The following THOC1 variants were observed in gnomAD, a reference collection of about 807,000 sequenced individuals.
THOC1 encodes the protein THO complex subunit 1.
In THOC1, 29 loss-of-function variants were observed where a neutral mutation model predicts 97.3. That is an observed-to-expected ratio of 0.30 (90% CI 0.22 to 0.41). The LOEUF (loss-of-function observed/expected upper bound fraction) is 0.41. Among genes scored for constraint, THOC1 ranks in the 10% least tolerant of loss-of-function variants. The pLI is 1.00. For synonymous variants in THOC1, 255 were observed against 257.0 expected (o/e 0.99, Z 0.07); for missense variants, 529 against 761.9 (o/e 0.69, Z 3.60).
intron 9 of THOC1, among the ~76,000 whole-genome samples, chr18:248,827 T>C (rs1912180148): frequency 6.6e-6 from 1 of 152,144 alleles, no homozygotes; most frequent in Admixed American, 6.5e-5. Context: ...CTCAGCTCAC[T>C]GCAAGCTCCG....
chr18:240,675 T>C (rs9944598), intron 11 of THOC1, among the ~76,000 whole-genome samples: 14,758 of 152,220 alleles, frequency 0.097, 854 homozygotes, highest in Middle Eastern at 0.18. Flanking sequence ...CAGGGACTGG[T>C]TTCATGGAAG....
Position 224,981 on chromosome 18 carries a change from G to A in THOC1, c.1151C>T (p.Thr384Ile). The change falls in exon 15 of 21, where the codon ACT becomes ATT. Residue 384 changes from threonine (T) to isoleucine (I), a missense_variant. Physicochemically the swap from Thr to Ile is moderately conservative, Grantham distance 89. Transcript: ENST00000261600. Reference sequence around the variant, plus strand: ...TTTCCACGAGTTCCAGTTTTCTTCAGTGTTTAATATATGCTGGGAAAAACA... The same window carrying A: ...TTTCCACGAGTTCCAGTTTTCTTCAATGTTTAATATATGCTGGGAAAAACA... ...FSKMVEHILN[T>I]EENWNSWKNE... is the part of the protein sequence containing the mutation. 1.3e-6 allele frequency: 2 copies of A among 1,572,998 alleles called. No individual in the cohort carries two copies. Among genetic ancestry groups the A allele is most frequent in the Non-Finnish European group, 1.7e-6 (2 of 1,157,036 alleles).
rs756388947 is a variant in THOC1 at position 214,625 on chromosome 18, G to GCTAA, written c.1971_1974dup. 2.6e-5 allele frequency: 41 copies of GCTAA among 1,585,852 alleles called. No homozygotes were observed. Among genetic ancestry groups the GCTAA allele is most frequent in the South Asian group, 3.5e-5 (3 of 85,468 alleles). Reference sequence around the variant, plus strand: ...TTTAATAAAAAGAAAAAAAAAAGAAGCTAACTATTTGTCTCATTGTCATTA... The same window carrying GCTAA: ...TTTAATAAAAAGAAAAAAAAAAGAAGCTAACTAACTATTTGTCTCATTGTCATTA... On this transcript the variant is annotated 3_prime_UTR_variant, in exon 21 of 21. Coordinates refer to ENST00000261600, the MANE Select transcript of THOC1 (RefSeq NM_005131.3).
At chr18:247,257 A>G (rs1240233860) in intron 10 of THOC1, among the ~76,000 whole-genome samples, 1 of 152,256 alleles carries the variant, frequency 6.6e-6, no homozygotes, top group Non-Finnish European at 1.5e-5. Context: ...CTTAGATTTT[A>G]ATTATGACAA....
Position 255,581 on chromosome 18 carries a change from T to A in THOC1, c.521-1226A>T, listed in dbSNP as rs144103621. ...ACGAGGTTTAAAGAAAAAAGCCCTC[T>A]CCGTAACATAATAGTGCAAGGTGAA... On this transcript the variant is annotated intron_variant, in intron 7 of 20. Transcript: ENST00000261600. Among the ~76,000 whole-genome samples the A allele has an allele frequency of 1.9e-3, 293 of 152,286 alleles. 1 individual carries two copies. Among genetic ancestry groups the A allele is most frequent in the African/African-American group, 6.8e-3 (283 of 41,558 alleles).
rs117999376 is a variant in THOC1 at position 224,268 on chromosome 18, T to C, written c.1209-89A>G. ...TTTAACGTAAAAGAAAATTTAGTTA[T>C]TGTTTTCCTCTTAAAAAAGATGAAA... is the stretch of plus-strand genomic sequence containing the variant. On this transcript the variant is annotated intron_variant, in intron 15 of 20. Transcript: ENST00000261600. 8,820 of 1,058,374 alleles carry C rather than the reference T, an allele frequency of 8.3e-3. 72 individuals carry two copies. The highest frequency in any genetic ancestry group is 0.01 in the Non-Finnish European group (7,221 of 715,736). The allele number at this position is 1,058,374 out of a possible 1,614,324, so 65.6% of individuals were successfully genotyped here.
At position 218,926 on chromosome 18, in the gene THOC1, C is replaced by G. The variant is rs1305577350; in HGVS notation, c.1414G>C (p.Glu472Gln). The G allele has an allele frequency of 3.1e-6, 5 of 1,606,534 alleles. No individual in the cohort carries two copies. In the Admixed American group the frequency reaches 6.8e-5, roughly 22 times the overall value. ...ACCATATTTTCAGGGTCTGCCTGTTCAATGGCTTCTTCAAAGAATTCCTCC... is the reference window on the plus strand; with the variant it reads ...ACCATATTTTCAGGGTCTGCCTGTTGAATGGCTTCTTCAAAGAATTCCTCC... ...TLEEFFEEAI[E>Q]QADPENMVEN... The change falls in exon 18 of 21, where the codon GAA becomes CAA. Residue 472 changes from glutamate to glutamine, a missense_variant. Physicochemically the swap from Glu to Gln is conservative, Grantham distance 29 (BLOSUM62 2). Transcript: ENST00000261600.
chr18:260,884 T>C (rs1443403277), intron 4 of THOC1: 1 of 152,210 alleles, frequency 6.6e-6, no homozygotes, highest in Non-Finnish European at 1.5e-5. Context: ...TATGTACATA[T>C]GGTTATGACA....
chr18:226,607 A>G (rs1911297751), intron 12 of THOC1, among the ~76,000 whole-genome samples, 194 bp downstream of exon 12: 1 of 152,174 alleles, frequency 6.6e-6, no homozygotes, highest in South Asian at 2.1e-4. Context: ...AAAAACTCAC[A>G]CTGACAGATA....
At position 214,687 on chromosome 18, in the gene THOC1, T is replaced by C. The variant is rs1486666763; in HGVS notation, c.1913A>G (p.Asn638Ser). 10 of 1,613,842 alleles carry C rather than the reference T, an allele frequency of 6.2e-6. No homozygotes were observed. Among genetic ancestry groups the C allele is most frequent in the East Asian group, 2.2e-5 (1 of 44,896 alleles). Residue 638 changes from asparagine (N) to serine (S), a missense_variant, in exon 21 of 21, where the codon AAT becomes AGT. Coordinates refer to ENST00000261600, the MANE Select transcript of THOC1 (RefSeq NM_005131.3). ...ATPENLINALNKSGLSDLAES... is the reference protein window; with the variant it reads ...ATPENLINALSKSGLSDLAES... ...TGCAAGGTCACTTAATCCAGACTTA[T>C]TCAGTGCATTAATCAGATTCTCAGG...
At chr18:259,853 C>A in intron 5 of THOC1, 123 bp from the exon 6 acceptor site, 1 of 632,968 alleles carries the variant, frequency 1.6e-6, no homozygotes, top group Non-Finnish European at 2.6e-6. Flanking sequence ...ATGCCACTTT[C>A]ACTTTTTTTA....
At chr18:227,314 T>TA (rs202091789) in intron 11 of THOC1, among the ~76,000 whole-genome samples, 4,802 of 151,310 alleles carry the variant, frequency 0.032, 236 homozygotes, top group African/African-American at 0.11. Context: ...ACTCTAAATT[T>TA]AAAAAAAAAA....
Position 215,453 on chromosome 18 carries a change from CATT to C in THOC1, c.1651_1653del (p.Asn551del). On this transcript the variant is annotated inframe_deletion, in exon 20 of 21. Coordinates refer to ENST00000261600, the MANE Select transcript of THOC1 (RefSeq NM_005131.3). ...CTTTCATTTTCCTTCAGTAGAGCAT[CATT>C]ATCTTCCTCATCTTCATCCTCACCT... 1.2e-6 allele frequency: 2 copies of C among 1,613,626 alleles called. No homozygotes were observed. The highest frequency in any genetic ancestry group is 1.7e-6 in the Non-Finnish European group (2 of 1,179,652).
chr18:253,942 ACT>A (rs1328557441), intron 8 of THOC1, among the ~76,000 whole-genome samples: 1 of 140,450 alleles, frequency 7.1e-6, no homozygotes, highest in Non-Finnish European at 1.5e-5. Context: ...ACAGGTTCTC[ACT>A]CTGTCGCCCA....
chr18:217,410 C>T (rs1031156374), intron 18 of THOC1, among the ~76,000 whole-genome samples: 5 of 152,206 alleles, frequency 3.3e-5, no homozygotes, highest in African/African-American at 1.2e-4. Context: ...CAATTATACA[C>T]ATCATTTTTC....
At chr18:236,253 TG>T (rs1203890052) in intron 11 of THOC1, among the ~76,000 whole-genome samples, 1 of 152,108 alleles carries the variant, frequency 6.6e-6, no homozygotes, top group Non-Finnish European at 1.5e-5. Context: ...TTATTTTCCA[TG>T]TAAGTTTTAA....
intron 8 of THOC1, among the ~76,000 whole-genome samples, chr18:253,103 A>C (rs552702915): frequency 6.6e-6 from 1 of 152,362 alleles, no homozygotes; most frequent in South Asian, 2.1e-4. Context: ...TTTTTTAAAA[A>C]TTGATAATTC....
chr18:232,490 T>C (rs539823907), intron 11 of THOC1, among the ~76,000 whole-genome samples: 1 of 151,632 alleles, frequency 6.6e-6, no homozygotes, highest in African/African-American at 2.4e-5. Context: ...CACGTAAAAT[T>C]ATCTTATCAC....
intron 7 of THOC1, among the ~76,000 whole-genome samples, chr18:255,764 T>G (rs1912417890): frequency 6.6e-6 from 1 of 152,244 alleles, no homozygotes; most frequent in African/African-American, 2.4e-5. Flanking sequence ...GAGAAGTCAC[T>G]GCTTGCCTTC....
Sources: allele counts gnomAD v4.1 joint callset (sites outside exome capture counted in the v4.1 genomes callset), GRCh38; gene constraint gnomAD v4.1.1; transcripts MANE v1.5; gene names NCBI Gene and HGNC (gene_info 2026-07-23, HGNC 2026-07-21).